The following SLC39A11 variants were observed in gnomAD, a reference collection of about 807,000 sequenced individuals.
SLC39A11 encodes solute carrier family 39 member 11, also known as zinc transporter ZIP11.
In SLC39A11, 33 loss-of-function variants were observed where a neutral mutation model predicts 36.1. The ratio of observed to expected loss-of-function variants is 0.91; its 90% CI spans 0.69 to 1.22. The LOEUF (loss-of-function observed/expected upper bound fraction) is 1.22, where lower values mean the gene tolerates loss of function less well. Ranked by LOEUF, SLC39A11 falls within the 50% of genes most tolerant of loss-of-function variation. The pLI, the probability that SLC39A11 is intolerant of heterozygous loss-of-function variation, is 0.00. For missense variants in SLC39A11, 432 were observed against 430.3 expected (o/e 1.00, Z -0.03); for synonymous variants, 166 against 170.3 (o/e 0.97, Z 0.20).
At chr17:72,812,501 T>A (rs1390647991) in intron 6 of SLC39A11, among the ~76,000 whole-genome samples, 1 of 152,232 alleles carries the variant, frequency 6.6e-6, no homozygotes, top group Admixed American at 6.5e-5. Context: ...AAGAAGATAA[T>A]GTGCCTTTAA....
chr17:72,840,711 C>T (rs1047467541), intron 6 of SLC39A11, among the ~76,000 whole-genome samples: 25 of 149,358 alleles, frequency 1.7e-4, no homozygotes, highest in African/African-American at 5.4e-4. Flanking sequence ...GAGCTGAGAT[C>T]GCGCCACTGC....
At chr17:72,765,011 G>C (rs987351591) in intron 6 of SLC39A11, among the ~76,000 whole-genome samples, 1 of 152,302 alleles carries the variant, frequency 6.6e-6, no homozygotes, top group South Asian at 2.1e-4. Flanking sequence ...TTGGGAGCTA[G>C]TTTATAGTTT....
rs769453962 is a variant in SLC39A11, at chr17:73,041,009, C to CAAAAAACA, written c.148-9296_148-9295insTGTTTTTT. On this transcript the variant is annotated intron_variant, in intron 3 of 9. Coordinates refer to ENST00000255559, the MANE Select transcript of SLC39A11 (RefSeq NM_139177.4). ...CAAAAAAAAAACAAAAAACAAAAAA[C>CAAAAAACA]AAAAAAAAAAAACAGTATTAACAGT... Among the ~76,000 whole-genome samples, 330 of 139,944 alleles carry CAAAAAACA rather than the reference C, an allele frequency of 2.4e-3. 2 individuals are homozygous for CAAAAAACA. The highest frequency in any genetic ancestry group is 4.5e-3 in the East Asian group (22 of 4,842). 91.8% of individuals were successfully genotyped at this position (139,944 alleles called of 152,430 possible). A position where few individuals can be genotyped will look rare whatever the true frequency, so the allele number is the denominator to read the frequency against.
intron 7 of SLC39A11, among the ~76,000 whole-genome samples, chr17:72,697,324 C>A (rs968546671): frequency 1.3e-5 from 2 of 152,238 alleles, no homozygotes; most frequent in Admixed American, 6.5e-5. Context: ...CTCAAGTGAT[C>A]TGCCCACCTT....
At chr17:72,929,753 T>G (rs1405041797) in intron 5 of SLC39A11, among the ~76,000 whole-genome samples, 1 of 152,146 alleles carries the variant, frequency 6.6e-6, no homozygotes, top group Non-Finnish European at 1.5e-5. Flanking sequence ...CTTGCTACCC[T>G]TGGAAACTGG....
At chr17:73,075,786 G>GGT (rs1329954124) in intron 3 of SLC39A11, among the ~76,000 whole-genome samples, 1 of 152,122 alleles carries the variant, frequency 6.6e-6, no homozygotes, top group Non-Finnish European at 1.5e-5. Flanking sequence ...CCTGGAGGCA[G>GGT]AGGTTGCAGT....
chr17:73,041,866 T>C (rs1219446699), intron 3 of SLC39A11, among the ~76,000 whole-genome samples: 1 of 152,226 alleles, frequency 6.6e-6, no homozygotes, highest in Non-Finnish European at 1.5e-5. Flanking sequence ...ACAAAATCCC[T>C]GTTTCCCTCC....
At chr17:72,931,426 G>C (rs938746221) in intron 5 of SLC39A11, among the ~76,000 whole-genome samples, 4 of 152,192 alleles carry the variant, frequency 2.6e-5, no homozygotes, top group African/African-American at 9.7e-5. Flanking sequence ...TACTGCATCT[G>C]TTCACCTGTG....
intron 3 of SLC39A11, among the ~76,000 whole-genome samples, chr17:73,050,448 G>A (rs1440207934): frequency 6.8e-6 from 1 of 147,154 alleles, no homozygotes; most frequent in Non-Finnish European, 1.5e-5. Flanking sequence ...GGAGCAGGGA[G>A]CCATGTGAAC....
chr17:73,090,751 T>TC (rs1037838518), intron 1 of SLC39A11, among the ~76,000 whole-genome samples: 13 of 152,186 alleles, frequency 8.5e-5, no homozygotes, highest in African/African-American at 3.1e-4. Flanking sequence ...CAGAGGGAGC[T>TC]CGTGGGTGTT....
chr17:72,949,656 T>A (rs2085720324), intron 4 of SLC39A11, among the ~76,000 whole-genome samples: 1 of 151,802 alleles, frequency 6.6e-6, no homozygotes, highest in African/African-American at 2.4e-5. Flanking sequence ...TCTACCCTCA[T>A]AATCTAATGA....
At chr17:73,011,995 C>A (rs781008607) in intron 4 of SLC39A11, among the ~76,000 whole-genome samples, 62 of 150,828 alleles carry the variant, frequency 4.1e-4, no homozygotes, top group South Asian at 1.1e-3. Context: ...TGAAAGATGG[C>A]CAGGTGCGGT....
At chr17:73,022,710 A>G (rs1401669964) in intron 4 of SLC39A11, among the ~76,000 whole-genome samples, 5 of 151,784 alleles carry the variant, frequency 3.3e-5, no homozygotes, top group Admixed American at 3.3e-4. Flanking sequence ...ACATCTGAAC[A>G]TCTTCCTAAA....
chr17:72,767,544 G>A (rs1431320215), intron 6 of SLC39A11, among the ~76,000 whole-genome samples: 1 of 152,202 alleles, frequency 6.6e-6, no homozygotes, highest in Non-Finnish European at 1.5e-5. Flanking sequence ...GTGCCATGAA[G>A]AAAAATACTG....
chr17:73,009,522 T>G (rs2090395156), intron 4 of SLC39A11, among the ~76,000 whole-genome samples: 2 of 151,456 alleles, frequency 1.3e-5, no homozygotes, highest in South Asian at 4.2e-4. Flanking sequence ...AAAAACAAAG[T>G]GGATTAGTGT....
intron 5 of SLC39A11, among the ~76,000 whole-genome samples, chr17:72,874,738 G>A (rs1464365985): frequency 1.3e-5 from 2 of 152,194 alleles, no homozygotes; most frequent in Non-Finnish European, 2.9e-5. Flanking sequence ...AGGAGGAAGT[G>A]GTAGCAATGT....
At chr17:72,943,397 G>A (rs935945088) in intron 5 of SLC39A11, among the ~76,000 whole-genome samples, 6 of 152,164 alleles carry the variant, frequency 3.9e-5, no homozygotes, top group African/African-American at 1.4e-4. Context: ...CACGAGCTTG[G>A]CATCAGTTTC....
intron 6 of SLC39A11, among the ~76,000 whole-genome samples, chr17:72,842,141 A>G (rs2078848053): frequency 6.6e-6 from 1 of 152,064 alleles, no homozygotes; most frequent in African/African-American, 2.4e-5. Flanking sequence ...CCATAAATAT[A>G]CATACCTATG....
At chr17:72,699,179 C>T (rs569912019) in intron 7 of SLC39A11, among the ~76,000 whole-genome samples, 54 of 152,068 alleles carry the variant, frequency 3.6e-4, no homozygotes, top group Non-Finnish European at 7.4e-4. Context: ...CCATGGGTGT[C>T]CAATCTTTTG....
Sources: allele counts gnomAD v4.1 joint callset (sites outside exome capture counted in the v4.1 genomes callset), GRCh38; gene constraint gnomAD v4.1.1; transcripts MANE v1.5; gene names NCBI Gene and HGNC (gene_info 2026-07-23, HGNC 2026-07-21).